Variants in DCC observed in about 807,000 individuals in gnomAD.
The protein encoded by DCC is DCC netrin 1 receptor, also known as netrin receptor DCC.
DCC carries 58 observed loss-of-function variants against 172.5 expected under a neutral mutation model. The observed-to-expected ratio is 0.34, with a 90% CI of 0.27 to 0.42. The LOEUF is 0.42. Ranked by LOEUF, DCC falls within the 10% of genes least tolerant of loss-of-function variation. DCC has a pLI of 1.00. For missense variants in DCC, 1,740 were observed against 1,791.0 expected (o/e 0.97, Z 0.51); for synonymous variants, 709 against 644.5 (o/e 1.10, Z -1.52).
At chr18:53,095,362 T>C (rs1293335593) in intron 7 of DCC, among the ~76,000 whole-genome samples, 3 of 152,212 alleles carry the variant, frequency 2.0e-5, no homozygotes, top group African/African-American at 7.2e-5. Flanking sequence ...TCTTTGCTAA[T>C]AGATTTGAGA....
chr18:53,322,095 T>C lies in DCC; in HGVS notation c.2102T>C (p.Val701Ala). The part of the protein sequence containing the change: ...QYSFQVSAMT[V>A]NGTGPPSNWY... ...AGTTTCCAGGTGTCAGCCATGACAG[T>C]CAATGGTACTGGACCACCTTCCAAC... The change falls in exon 14 of 29, where the codon GTC (valine) becomes GCC (alanine). Residue 701 changes from valine (V) to alanine (A), a missense_variant. By Grantham distance (64) the Val-to-Ala change is moderately conservative. Transcript: ENST00000442544. 6.2e-7 allele frequency: 1 copy of C among 1,610,584 alleles called. No individual in the cohort carries two copies. Among genetic ancestry groups the C allele is most frequent in the Middle Eastern group, 1.7e-4 (1 of 6,048 alleles).
chr18:52,920,020 CAAAAAAA>C (rs373883714), intron 3 of DCC, among the ~76,000 whole-genome samples: 1 of 100,172 alleles, frequency 1.0e-5, no homozygotes, highest in Non-Finnish European at 2.0e-5. Flanking sequence ...TGTCCATATA[CAAAAAAA>C]AAAAAAAAAA....
intron 1 of DCC, among the ~76,000 whole-genome samples, chr18:52,719,843 C>T (rs147939696): frequency 7.4e-4 from 113 of 152,180 alleles, no homozygotes; most frequent in African/African-American, 2.5e-3. Flanking sequence ...GGATGGAGGT[C>T]GCTGTGGCTA....
chr18:53,378,559 C>T (rs1420856071), intron 15 of DCC, among the ~76,000 whole-genome samples: 1 of 152,134 alleles, frequency 6.6e-6, no homozygotes, highest in Non-Finnish European at 1.5e-5. Context: ...ATCTGAGTTC[C>T]ATGATCAAAT....
intron 1 of DCC, among the ~76,000 whole-genome samples, chr18:52,730,062 A>T (rs2145092297): frequency 6.6e-6 from 1 of 152,314 alleles, no homozygotes; most frequent in Non-Finnish European, 1.5e-5. Context: ...AAAACTTCTA[A>T]ATAACCTGGT....
At position 53,214,618 on chromosome 18, in the gene DCC, G is replaced by T. The variant is rs2055816344; in HGVS notation, c.1862-930G>T. Reference sequence around the variant, plus strand: ...TTTTCTATTAAACTCATCTATTTGTGAGGAACAAGGATAGGGACTACTCAC... The same window carrying T: ...TTTTCTATTAAACTCATCTATTTGTTAGGAACAAGGATAGGGACTACTCAC... On this transcript the variant is annotated intron_variant, in intron 11 of 28. Transcript: ENST00000442544. Among the ~76,000 whole-genome samples the T allele has an allele frequency of 3.9e-5, 6 of 152,240 alleles. No individual in the cohort carries two copies. The South Asian group carries it at 1.2e-3, about 32-fold the overall frequency.
intron 17 of DCC, among the ~76,000 whole-genome samples, chr18:53,396,699 C>CT (rs1289596005): frequency 1.3e-5 from 2 of 152,130 alleles, no homozygotes; most frequent in African/African-American, 4.8e-5. Context: ...ACCTTAAAGG[C>CT]TTTTTGAGAT....
At chr18:53,515,737 T>G (rs997467356) in intron 27 of DCC, among the ~76,000 whole-genome samples, 1 of 151,494 alleles carries the variant, frequency 6.6e-6, no homozygotes, top group Non-Finnish European at 1.5e-5. Context: ...GAATCCAACT[T>G]ACAAGGGATG....
intron 5 of DCC, among the ~76,000 whole-genome samples, chr18:52,943,063 C>T (rs745875858): frequency 1.3e-5 from 2 of 151,920 alleles, no homozygotes; most frequent in African/African-American, 4.8e-5. Flanking sequence ...TTATTTATAC[C>T]TCTTTTGTTT....
chr18:52,871,367 A>G (rs1007918291), intron 2 of DCC, among the ~76,000 whole-genome samples: 3 of 151,920 alleles, frequency 2.0e-5, no homozygotes, highest in Admixed American at 6.6e-5. Context: ...AGATGCTGGT[A>G]TGATCAGAAC....
At chr18:52,841,800 TC>T (rs1236723706) in intron 2 of DCC, among the ~76,000 whole-genome samples, 3 of 151,934 alleles carry the variant, frequency 2.0e-5, no homozygotes, top group African/African-American at 7.3e-5. Flanking sequence ...TTTTTGCCAT[TC>T]CCCCCTCCTC....
At chr18:53,494,715 A>C (rs945024147) in intron 26 of DCC, among the ~76,000 whole-genome samples, 1 of 152,144 alleles carries the variant, frequency 6.6e-6, no homozygotes, top group Non-Finnish European at 1.5e-5. Context: ...CCTGCACGTG[A>C]GATGGGTCTC....
At chr18:53,234,319 C>T (rs1390779743) in intron 12 of DCC, among the ~76,000 whole-genome samples, 1 of 152,066 alleles carries the variant, frequency 6.6e-6, no homozygotes, top group East Asian at 1.9e-4. Context: ...GTTCCAGCTA[C>T]TCGGGAGGCT....
intron 25 of DCC, among the ~76,000 whole-genome samples, chr18:53,479,294 C>T (rs2045804286): frequency 1.3e-5 from 2 of 152,172 alleles, no homozygotes; most frequent in Non-Finnish European, 1.5e-5. Flanking sequence ...CTTCATTCCA[C>T]CTCTTACTCT....
intron 5 of DCC, among the ~76,000 whole-genome samples, chr18:53,018,893 A>G (rs774728993): frequency 1.3e-4 from 20 of 152,068 alleles, no homozygotes; most frequent in Non-Finnish European, 2.4e-4. Flanking sequence ...ATGATTGTCT[A>G]TTTTTCATAC....
intron 1 of DCC, among the ~76,000 whole-genome samples, chr18:52,692,228 A>T (rs925987730): frequency 6.6e-6 from 1 of 152,116 alleles, no homozygotes; most frequent in Admixed American, 6.6e-5. Context: ...TTTATTTTTC[A>T]ATCTTCTGTC....
At chr18:52,671,974 G>A (rs1470315325) in intron 1 of DCC, among the ~76,000 whole-genome samples, 3 of 152,148 alleles carry the variant, frequency 2.0e-5, no homozygotes, top group African/African-American at 7.2e-5. Flanking sequence ...TGAAGTGTAA[G>A]CTTTTATCGT....
chr18:52,534,037 T>G (rs1829028821), intron 1 of DCC, among the ~76,000 whole-genome samples: 1 of 152,172 alleles, frequency 6.6e-6, no homozygotes, highest in South Asian at 2.1e-4. Context: ...CTTTAGTAGT[T>G]CATTCCTTTT....
chr18:52,543,007 T>G (rs2032505196), intron 1 of DCC, among the ~76,000 whole-genome samples: 1 of 152,290 alleles, frequency 6.6e-6, no homozygotes, highest in South Asian at 2.1e-4. Flanking sequence ...AAACTAGAGG[T>G]TAAGATGAGA....
Sources: gnomAD v4.1 joint callset for allele counts (sites outside exome capture counted in the v4.1 genomes callset) on GRCh38, gnomAD v4.1.1 for gene constraint, MANE v1.5 for transcripts, NCBI Gene and HGNC (gene_info 2026-07-23, HGNC 2026-07-21) for gene names.